SCARB1: variants seen among roughly 807,000 people sequenced by gnomAD.
SCARB1 encodes scavenger receptor class B member 1.
Under a neutral mutation model 57.2 loss-of-function variants are expected in SCARB1, and 30 were observed. That is an observed-to-expected ratio of 0.52 (90% CI 0.39 to 0.71). The LOEUF (loss-of-function observed/expected upper bound fraction) is 0.71, where lower values mean the gene tolerates loss of function less well. Among genes scored for constraint, SCARB1 ranks in the 30% least tolerant of loss-of-function variants. SCARB1 has a pLI of 0.00. For synonymous variants in SCARB1, 249 were observed against 268.3 expected, an observed-to-expected ratio of 0.93 and a Z score of 0.70; for missense variants, 543 against 671.2, an observed-to-expected ratio of 0.81 and a Z score of 2.11.
intron 8 of SCARB1, among the ~76,000 whole-genome samples, chr12:124,797,199 C>T (rs942117485): frequency 4.6e-5 from 7 of 152,204 alleles, no homozygotes; most frequent in African/African-American, 1.4e-4. Context: ...ACTCTGGAAG[C>T]TCCAGCCTGG....
chr12:124,855,063 C>T (rs576847950), intron 1 of SCARB1, among the ~76,000 whole-genome samples: 1 of 152,156 alleles, frequency 6.6e-6, no homozygotes, highest in Non-Finnish European at 1.5e-5. Flanking sequence ...GAGGCATCAG[C>T]AGGCAAGAAG....
Position 124,817,786 on chromosome 12 carries a change from G to T in SCARB1, c.127-79C>A. On this transcript the variant is annotated intron_variant, in intron 1 of 12. Transcript: ENST00000261693. This position sits in a 1 kb window ranked among gnomAD's most constrained non-coding sequence, Gnocchi z 4.8. ...CCCACCACAAGGCTCCGGAACAGCT[G>T]CCCGAGCCCGGCCAGGGAAGGGGCT... 6.6e-7 allele frequency: 1 copy of T among 1,517,626 alleles called. No individual in the cohort carries two copies. The highest frequency in any genetic ancestry group is 9.1e-7 in the Non-Finnish European group (1 of 1,093,216). 94.0% of individuals were successfully genotyped at this position (1,517,626 alleles called of 1,614,324 possible).
chr12:124,853,921 C>A (rs549030216), intron 1 of SCARB1, among the ~76,000 whole-genome samples: 3 of 152,296 alleles, frequency 2.0e-5, no homozygotes, highest in South Asian at 4.1e-4. Context: ...TGTGAAACAA[C>A]CCTTGTCTTT....
chr12:124,790,058 G>A (rs972129040), intron 9 of SCARB1, among the ~76,000 whole-genome samples: 8 of 150,592 alleles, frequency 5.3e-5, no homozygotes, highest in African/African-American at 9.8e-5. Flanking sequence ...GAGAGAAATT[G>A]GACAGTGCTA....
rs568748362 is a variant in SCARB1, at chr12:124,800,857, A to G, written c.1010-615T>C. Among the ~76,000 whole-genome samples the G allele has an allele frequency of 6.6e-6, 1 of 152,330 alleles. No homozygotes were observed. Among genetic ancestry groups the G allele is most frequent in the African/African-American group, 2.4e-5 (1 of 41,574 alleles). On this transcript the variant is annotated intron_variant, in intron 7 of 12. Transcript: ENST00000261693. The surrounding 1 kb of genome is among the most constrained non-coding windows in gnomAD (Gnocchi z 4.8). ...GCAAACACCAGCTCACCCTCGGGAC[A>G]ATGGACAACAGGCCTGAAGGACAAG...
rs892888564 is a variant in SCARB1, at chr12:124,863,777, G to C, written c.-57C>G. The C allele has an allele frequency of 8.6e-6, 12 of 1,392,186 alleles. No homozygotes were observed. The highest frequency in any genetic ancestry group is 3.7e-4 in the Middle Eastern group (2 of 5,342). The allele number at this position is 1,392,186 out of a possible 1,614,324, so 86.2% of individuals were successfully genotyped here. ...CAGGGCTCCGCGCCTGGCAGGAGAC[G>C]GGGACGGCGACAGAGACGACACAGG... is the stretch of plus-strand genomic sequence containing the variant. On this transcript the variant is annotated 5_prime_UTR_variant, in exon 1 of 13. Transcript: ENST00000261693.
rs1401867270 is a variant in SCARB1 at position 124,810,128 on chromosome 12, A to G, written c.842+46T>C. ...ACAGCCAACACCACAGAATTTGGCC[A>G]TGAGCTACCCAGGAAACCCAGGAGG... On this transcript the variant is annotated intron_variant, in intron 6 of 12. Transcript: ENST00000261693. This position sits in a 1 kb window ranked among gnomAD's most constrained non-coding sequence, Gnocchi z 4.0. 7.5e-6 allele frequency: 10 copies of G among 1,327,154 alleles called. No homozygotes were observed. The allele number at this position is 1,327,154 out of a possible 1,614,324, so 82.2% of individuals were successfully genotyped here.
chr12:124,806,486 G>A (rs933620075), intron 7 of SCARB1, among the ~76,000 whole-genome samples: 2 of 152,104 alleles, frequency 1.3e-5, no homozygotes, highest in African/African-American at 4.8e-5. Context: ...ACAGACCCTC[G>A]CCAGCCTCAT....
In SCARB1 at chr12:124,807,756, C is replaced by G. The variant is rs751827636; in HGVS notation, c.1009+5G>C. ...CGCCATCCCAGCACAGGGGACGGCA[C>G]GTACTGAACCTGCAGGTGCTGACGT... On this transcript the variant is annotated splice_donor_5th_base_variant and intron_variant, in intron 7 of 12. Transcript: ENST00000261693. This position sits in a 1 kb window ranked among gnomAD's most constrained non-coding sequence, Gnocchi z 5.3. The G allele has an allele frequency of 1.2e-6, 2 of 1,614,032 alleles. No individual in the cohort carries two copies. The highest frequency in any genetic ancestry group is 1.7e-6 in the Non-Finnish European group (2 of 1,179,952).
At chr12:124,851,090 C>T (rs1439217307) in intron 1 of SCARB1, among the ~76,000 whole-genome samples, 1 of 152,222 alleles carries the variant, frequency 6.6e-6, no homozygotes, top group Non-Finnish European at 1.5e-5. Flanking sequence ...CCAATCACAG[C>T]CAATGAGCAT....
intron 10 of SCARB1, 39 bp downstream of exon 10, chr12:124,787,367 T>C (rs1320876794): frequency 6.2e-7 from 1 of 1,606,984 alleles, no homozygotes; most frequent in East Asian, 2.2e-5. Context: ...CATTGGCTCT[T>C]AACAAAAGCC....
At position 124,810,320 on chromosome 12, in the gene SCARB1, A is replaced by G; in HGVS notation, c.727-31T>C. 1 of 1,480,442 alleles carries G rather than the reference A, an allele frequency of 6.8e-7. No individual in the cohort carries two copies. Among genetic ancestry groups the G allele is most frequent in the Non-Finnish European group, 9.4e-7 (1 of 1,058,254 alleles). The allele number at this position is 1,480,442 out of a possible 1,614,324, so 91.7% of individuals were successfully genotyped here. A position where few individuals can be genotyped will look rare whatever the true frequency, so the allele number is the denominator to read the frequency against. On this transcript the variant is annotated intron_variant, in intron 5 of 12. Coordinates refer to ENST00000261693, the MANE Select transcript of SCARB1 (RefSeq NM_005505.5). This position sits in a 1 kb window ranked among gnomAD's most constrained non-coding sequence, Gnocchi z 4.0. ...GGGAAGCATCCAGACTAGACCCCTC[A>G]GTAGGGCCAAGGCCCCTTAATAAGC...
chr12:124,805,299 C>T (rs1193902139), intron 7 of SCARB1, among the ~76,000 whole-genome samples: 1 of 152,216 alleles, frequency 6.6e-6, no homozygotes, highest in Non-Finnish European at 1.5e-5. Context: ...ACAAAGAGCT[C>T]TCCAAGCAGG....
intron 1 of SCARB1, among the ~76,000 whole-genome samples, chr12:124,845,064 C>A (rs1279322582): frequency 1.3e-5 from 2 of 151,916 alleles, no homozygotes; most frequent in African/African-American, 2.4e-5. Flanking sequence ...TTTACAGACG[C>A]AGCCACACAG....
At chr12:124,787,495 C>T (rs1282560560) in intron 9 of SCARB1, 38 bp from the exon 10 acceptor site, 2 of 1,583,226 alleles carry the variant, frequency 1.3e-6, no homozygotes, top group Non-Finnish European at 1.7e-6. Context: ...GAAACAAAGT[C>T]TTACACCCAA....
At chr12:124,837,540 A>C (rs1455141308) in intron 1 of SCARB1, among the ~76,000 whole-genome samples, 1 of 9,264 alleles carries the variant, frequency 1.1e-4, no homozygotes, top group Non-Finnish European at 2.4e-4. Flanking sequence ...AAAAGAAAGA[A>C]AAGAAAAGAA....
chr12:124,789,871 C>T lies in SCARB1; in HGVS notation c.1203-2414G>A, dbSNP rs1444103727. Among the ~76,000 whole-genome samples, 2 of 151,860 alleles carry T rather than the reference C, an allele frequency of 1.3e-5. No homozygotes were observed. Among genetic ancestry groups the T allele is most frequent in the Non-Finnish European group, 2.9e-5 (2 of 67,974 alleles). ...ACTAAAAATATAAAAATTGGCCGGA[C>T]GTGGTGGCACATGCCTGTAATCCCA... On this transcript the variant is annotated intron_variant, in intron 9 of 12. Coordinates refer to ENST00000261693, the MANE Select transcript of SCARB1 (RefSeq NM_005505.5). The surrounding 1 kb of genome is among the most constrained non-coding windows in gnomAD (Gnocchi z 4.4).
chr12:124,804,053 AC>A (rs989448495), intron 7 of SCARB1, among the ~76,000 whole-genome samples: 12 of 151,948 alleles, frequency 7.9e-5, no homozygotes, highest in Non-Finnish European at 2.9e-5. Context: ...TGGTACCTAC[AC>A]CCCCACTTTA....
At chr12:124,818,714 C>T (rs1033305631) in intron 1 of SCARB1, among the ~76,000 whole-genome samples, 35 of 80,848 alleles carry the variant, frequency 4.3e-4, no homozygotes, top group African/African-American at 8.7e-4. Flanking sequence ...GGCGCGATCT[C>T]GGCTCACCGA....
Sources: allele counts gnomAD v4.1 joint callset (sites outside exome capture counted in the v4.1 genomes callset), GRCh38; gene constraint gnomAD v4.1.1; non-coding constraint Gnocchi (gnomAD v3.1); transcripts MANE v1.5; gene names NCBI Gene and HGNC (gene_info 2026-07-23, HGNC 2026-07-21).